The following RGSL1 variants were observed in gnomAD, a reference collection of about 807,000 sequenced individuals.
RGSL1 encodes the protein regulator of G protein signaling protein-like.
Under a neutral mutation model 124.7 loss-of-function variants are expected in RGSL1, and 97 were observed. The observed-to-expected ratio is 0.78, with a 90% CI of 0.66 to 0.92. The LOEUF (loss-of-function observed/expected upper bound fraction) is 0.92, where lower values mean the gene tolerates loss of function less well. RGSL1 is among the 40% of genes least tolerant of loss of function. The pLI is 0.00. For missense variants in RGSL1, 1,233 were observed against 1,288.4 expected, an observed-to-expected ratio of 0.96 and a Z score of 0.66; for synonymous variants, 424 against 438.1, an observed-to-expected ratio of 0.97 and a Z score of 0.40.
At chr1:182,511,655 A>C (rs942535660) in intron 9 of RGSL1, among the ~76,000 whole-genome samples, 1 of 152,192 alleles carries the variant, frequency 6.6e-6, no homozygotes, top group Non-Finnish European at 1.5e-5. Flanking sequence ...GTAGCTTTGT[A>C]GTAAATTTTG....
chr1:182,551,145 G>C lies in RGSL1; in HGVS notation c.2979G>C (p.Gly993=). The C allele has an allele frequency of 6.4e-7, 1 of 1,551,700 alleles. No homozygotes were observed. The highest frequency in any genetic ancestry group is 8.7e-7 in the Non-Finnish European group (1 of 1,146,996). ...CCCGCTCTTACTTACAGTATAGGGGGAAGAAGTTCAAGGACAGAAAAAGCC... is the reference window on the plus strand; with the variant it reads ...CCCGCTCTTACTTACAGTATAGGGGCAAGAAGTTCAAGGACAGAAAAAGCC... ...KATRSYLQYR[G]KKFKDRKSPP... Residue 993 remains glycine (G), a synonymous_variant, in exon 18 of 22, where the codon GGG becomes GGC. Coordinates refer to ENST00000294854, the MANE Select transcript of RGSL1 (RefSeq NM_001137669.2).
intron 2 of RGSL1, among the ~76,000 whole-genome samples, chr1:182,455,288 G>T (rs1652208678): frequency 6.6e-6 from 1 of 152,080 alleles, no homozygotes; most frequent in African/African-American, 2.4e-5. Flanking sequence ...GGTGCATAAA[G>T]AAATAGGAGG....
In RGSL1 at chr1:182,521,994, T is replaced by C. The variant is rs1371813196; in HGVS notation, c.1826-10T>C. The C allele has an allele frequency of 6.6e-7, 1 of 1,504,188 alleles. No homozygotes were observed. Among genetic ancestry groups the C allele is most frequent in the African/African-American group, 1.4e-5 (1 of 70,930 alleles). The allele number at this position is 1,504,188 out of a possible 1,614,324, so 93.2% of individuals were successfully genotyped here. On this transcript the variant is annotated splice_polypyrimidine_tract_variant and intron_variant, in intron 9 of 21. Transcript: ENST00000294854. The stretch of plus-strand genomic sequence containing the variant: ...TATAGTGTTCTCCAACTTAGTGATT[T>C]TTTTTTTAGATTTTAAAATGGAAAT...
At chr1:182,496,386 G>A (rs1343026859) in intron 9 of RGSL1, among the ~76,000 whole-genome samples, 1 of 152,170 alleles carries the variant, frequency 6.6e-6, no homozygotes, top group African/African-American at 2.4e-5. Context: ...AACCATATCG[G>A]ATGGGTAGGT....
intron 9 of RGSL1, among the ~76,000 whole-genome samples, chr1:182,501,342 C>T (rs1656370870): frequency 1.7e-5 from 1 of 59,544 alleles, no homozygotes; most frequent in Non-Finnish European, 3.0e-5. Flanking sequence ...TTTTTTGAGA[C>T]AGAGTCTTGC....
In RGSL1 at chr1:182,556,017, C is replaced by T; in HGVS notation, c.3198-7C>T. On this transcript the variant is annotated splice_polypyrimidine_tract_variant and splice_region_variant and intron_variant, in intron 20 of 21. Coordinates refer to ENST00000294854, the MANE Select transcript of RGSL1 (RefSeq NM_001137669.2). ...TTGTGATAACTGGCTGTTTTCTCTC[C>T]CTTCAGACAAAAATTATCCTACATC... is the stretch of plus-strand genomic sequence containing the variant. The T allele has an allele frequency of 1.9e-6, 3 of 1,550,988 alleles. No individual in the cohort carries two copies. The highest frequency in any genetic ancestry group is 2.6e-6 in the Non-Finnish European group (3 of 1,146,392).
At chr1:182,480,232 T>A (rs142481077) in intron 6 of RGSL1, among the ~76,000 whole-genome samples, 1 of 152,180 alleles carries the variant, frequency 6.6e-6, no homozygotes, top group African/African-American at 2.4e-5. Flanking sequence ...GAATAGATCA[T>A]GTGCTAAGTC....
intron 4 of RGSL1, among the ~76,000 whole-genome samples, chr1:182,467,178 A>G (rs1653408046): frequency 6.6e-6 from 1 of 152,230 alleles, no homozygotes; most frequent in Non-Finnish European, 1.5e-5. Context: ...TATCGTGAAA[A>G]TGGCCATACT....
chr1:182,515,266 G>A (rs886656212), intron 9 of RGSL1, among the ~76,000 whole-genome samples: 4 of 152,174 alleles, frequency 2.6e-5, no homozygotes, highest in Non-Finnish European at 5.9e-5. Flanking sequence ...TCATGAAGCA[G>A]GGATTTAGTC....
intron 9 of RGSL1, among the ~76,000 whole-genome samples, chr1:182,520,194 A>G (rs1047059797): frequency 3.3e-5 from 5 of 152,208 alleles, no homozygotes; most frequent in Non-Finnish European, 7.4e-5. Flanking sequence ...AACTAGTAGC[A>G]TCCAGATAAC....
intron 8 of RGSL1, among the ~76,000 whole-genome samples, chr1:182,489,858 T>C (rs1170757846): frequency 6.6e-6 from 1 of 152,236 alleles, no homozygotes. Context: ...ATTAGTACAA[T>C]GTTTGACAAT....
At chr1:182,475,604 TCATCAG>T (rs1654228034) in intron 6 of RGSL1, among the ~76,000 whole-genome samples, 1 of 152,114 alleles carries the variant, frequency 6.6e-6, no homozygotes, top group African/African-American at 2.4e-5. Context: ...GAAGCTGTAA[TCATCAG>T]TTGAGGGATA....
chr1:182,505,918 C>T (rs1385743160), intron 9 of RGSL1, among the ~76,000 whole-genome samples: 2 of 152,114 alleles, frequency 1.3e-5, no homozygotes, highest in African/African-American at 4.8e-5. Context: ...TTGATACACA[C>T]AATTATGTCC....
intron 4 of RGSL1, among the ~76,000 whole-genome samples, chr1:182,466,912 A>T (rs1320613642): frequency 6.6e-6 from 1 of 152,190 alleles, no homozygotes; most frequent in Non-Finnish European, 1.5e-5. Flanking sequence ...TGATTTCAAA[A>T]CTTACTACAA....
At chr1:182,497,900 T>A (rs910397383) in intron 9 of RGSL1, among the ~76,000 whole-genome samples, 3 of 152,104 alleles carry the variant, frequency 2.0e-5, no homozygotes, top group Admixed American at 1.3e-4. Flanking sequence ...TTCCCACCCC[T>A]CTTTTTGTAG....
intron 9 of RGSL1, among the ~76,000 whole-genome samples, chr1:182,498,636 T>C (rs924595205): frequency 3.3e-5 from 5 of 152,194 alleles, no homozygotes; most frequent in Admixed American, 1.3e-4. Flanking sequence ...TTGTATGGTT[T>C]TGAGTGATCT....
chr1:182,484,991 G>A lies in RGSL1; in HGVS notation c.1432-3294G>A, dbSNP rs373833311. ...TACCATTTCCAAGATGGTATAGCAC[G>A]GTAGTCTTGCAGGCCACAGGAGGCA... On this transcript the variant is annotated intron_variant, in intron 6 of 21. Coordinates refer to ENST00000294854, the MANE Select transcript of RGSL1 (RefSeq NM_001137669.2). Among the ~76,000 whole-genome samples, 6 of 152,226 alleles carry A rather than the reference G, an allele frequency of 3.9e-5. No individual in the cohort carries two copies. The East Asian group carries it at 9.6e-4, about 24-fold the overall frequency.
intron 19 of RGSL1, among the ~76,000 whole-genome samples, chr1:182,554,399 G>T (rs1401427965): frequency 6.6e-6 from 1 of 152,132 alleles, no homozygotes; most frequent in Non-Finnish European, 1.5e-5. Flanking sequence ...TGGCCTTCGT[G>T]TCCAGATGAA....
intron 10 of RGSL1, among the ~76,000 whole-genome samples, chr1:182,525,193 A>T (rs761769281): frequency 8.5e-5 from 13 of 152,250 alleles, no homozygotes; most frequent in Non-Finnish European, 1.5e-4. Context: ...GGTTGTGATA[A>T]TATATTATCC....
Sources: allele counts gnomAD v4.1 joint callset (sites outside exome capture counted in the v4.1 genomes callset), GRCh38; gene constraint gnomAD v4.1.1; transcripts MANE v1.5; gene names NCBI Gene and HGNC (gene_info 2026-07-23, HGNC 2026-07-21).